FCHO2: variants seen among roughly 807,000 people sequenced by gnomAD.
FCHO2 encodes the protein FCH and mu domain containing endocytic adaptor 2, also known as F-BAR domain only protein 2.
Under a neutral mutation model 114.1 loss-of-function variants are expected in FCHO2, and 43 were observed. The ratio of observed to expected loss-of-function variants is 0.38; its 90% confidence interval spans 0.30 to 0.49. The LOEUF is 0.49. Ranked by LOEUF, FCHO2 falls within the 20% of genes least tolerant of loss-of-function variation. FCHO2 has a pLI of 0.97. For synonymous variants in FCHO2, 293 were observed against 315.2 expected, an observed-to-expected ratio of 0.93 and a Z score of 0.75; for missense variants, 807 against 950.4, an observed-to-expected ratio of 0.85 and a Z score of 1.98.
At chr5:73,008,388 AG>A (rs1561443476) in intron 6 of FCHO2, among the ~76,000 whole-genome samples, 1 of 152,110 alleles carries the variant, frequency 6.6e-6, no homozygotes, top group Non-Finnish European at 1.5e-5. Flanking sequence ...AATGCATTGG[AG>A]ATGGCAGGGA....
rs966515966 is a variant in FCHO2, at chr5:72,956,054, G to A, written c.-43G>A. ...GGGGGCCGGGCCGTGTTTACACAGC[G>A]GCGGGCGGGCGCGGACGCGGAACCC... On this transcript the variant is annotated 5_prime_UTR_variant, in exon 1 of 26. Transcript: ENST00000430046. 2.6e-6 allele frequency: 4 copies of A among 1,537,748 alleles called. No homozygotes were observed. In the African/African-American group the frequency reaches 4.2e-5, roughly 16 times the overall value.
intron 10 of FCHO2, among the ~76,000 whole-genome samples, chr5:73,039,227 G>C (rs1756684151): frequency 6.6e-6 from 1 of 152,186 alleles, no homozygotes; most frequent in Admixed American, 6.5e-5. Context: ...TAGCCTGAAG[G>C]CTTTTGAGAT....
chr5:73,085,200 T>C (rs1257404958), intron 24 of FCHO2, among the ~76,000 whole-genome samples: 1 of 151,812 alleles, frequency 6.6e-6, no homozygotes, highest in Non-Finnish European at 1.5e-5. Flanking sequence ...AATACAAAAA[T>C]TAGCTGGATG....
chr5:73,024,857 G>A (rs1012538954), intron 8 of FCHO2, among the ~76,000 whole-genome samples: 3 of 152,130 alleles, frequency 2.0e-5, no homozygotes, highest in African/African-American at 7.2e-5. Flanking sequence ...AATAAATATT[G>A]TTTTCAAAAA....
chr5:73,063,726 G>GC, intron 17 of FCHO2, 115 bp from the exon 18 acceptor site: 1 of 822,614 alleles, frequency 1.2e-6, no homozygotes, highest in Non-Finnish European at 2.0e-6. Context: ...TAAAAAAAGA[G>GC]CCTCCTGAAA....
intron 2 of FCHO2, among the ~76,000 whole-genome samples, chr5:72,980,996 C>G (rs980985282): frequency 2.6e-5 from 4 of 151,888 alleles, no homozygotes; most frequent in African/African-American, 9.7e-5. Context: ...ATGATGCTAG[C>G]TGGTTATTTT....
intron 24 of FCHO2, among the ~76,000 whole-genome samples, chr5:73,085,828 G>T (rs941790292): frequency 6.8e-6 from 1 of 146,778 alleles, no homozygotes; most frequent in South Asian, 2.2e-4. Context: ...AAATAAATAA[G>T]AATGCTGTAA....
At chr5:72,965,139 A>G (rs1482362011) in intron 1 of FCHO2, among the ~76,000 whole-genome samples, 1 of 152,106 alleles carries the variant, frequency 6.6e-6, no homozygotes, top group Non-Finnish European at 1.5e-5. Context: ...TACAAATAAG[A>G]GTATTGATGA....
rs1003777363 is a variant in FCHO2, at chr5:73,065,430, A to G, written c.1449+1486A>G. The stretch of plus-strand genomic sequence containing the variant: ...CCACTGTTAACATTTTTTGGAATGC[A>G]TAAGTGTTTATCCAGAGGCAGTAAA... On this transcript the variant is annotated intron_variant, in intron 18 of 25. Coordinates refer to ENST00000430046, the MANE Select transcript of FCHO2 (RefSeq NM_138782.3). 2.0e-5 allele frequency among the ~76,000 whole-genome samples: 3 copies of G among 152,128 alleles called. No individual in the cohort carries two copies. In the South Asian group the frequency reaches 6.2e-4, roughly 31 times the overall value.
At chr5:73,087,555 A>G in intron 24 of FCHO2, 34 bp from the exon 25 acceptor site, 1 of 1,606,150 alleles carries the variant, frequency 6.2e-7, no homozygotes, top group Non-Finnish European at 8.5e-7. Flanking sequence ...AATGTATTTT[A>G]CCCTGTGTAA....
chr5:72,970,472 T>C (rs912264193), intron 2 of FCHO2, among the ~76,000 whole-genome samples: 1 of 151,834 alleles, frequency 6.6e-6, no homozygotes, highest in African/African-American at 2.4e-5. Context: ...GCCTACTTAT[T>C]CTTTTTTTTT....
intron 6 of FCHO2, among the ~76,000 whole-genome samples, chr5:73,014,009 G>T (rs1755162760): frequency 6.6e-6 from 1 of 151,928 alleles, no homozygotes; most frequent in Middle Eastern, 3.2e-3. Context: ...TATATTTATT[G>T]TGAAGGCAAG....
At chr5:72,967,076 A>G (rs927137182) in intron 1 of FCHO2, among the ~76,000 whole-genome samples, 2 of 152,222 alleles carry the variant, frequency 1.3e-5, no homozygotes, top group African/African-American at 4.8e-5. Flanking sequence ...GTTTGAGGCC[A>G]GGAGTTCGAG....
At chr5:73,029,802 C>T (rs376356133) in intron 8 of FCHO2, among the ~76,000 whole-genome samples, 8 of 151,966 alleles carry the variant, frequency 5.3e-5, no homozygotes, top group African/African-American at 1.9e-4. Context: ...AATAACTTAG[C>T]GAGAACACAC....
intron 8 of FCHO2, among the ~76,000 whole-genome samples, chr5:73,029,963 A>G (rs374088680): frequency 1.3e-5 from 2 of 152,090 alleles, no homozygotes; most frequent in East Asian, 1.9e-4. Flanking sequence ...AGGTACATAC[A>G]AGAATTATTT....
chr5:72,973,379 A>C (rs988652298), intron 2 of FCHO2, among the ~76,000 whole-genome samples: 7 of 152,066 alleles, frequency 4.6e-5, no homozygotes, highest in African/African-American at 9.7e-5. Flanking sequence ...ACAATTTCAG[A>C]TCCTGTTATT....
At chr5:73,027,018 G>GTTTTTT (rs1369730233) in intron 8 of FCHO2, among the ~76,000 whole-genome samples, 3 of 107,122 alleles carry the variant, frequency 2.8e-5, no homozygotes, top group Admixed American at 9.0e-5. Flanking sequence ...TTGTTTGTTT[G>GTTTTTT]TTTTTTTTTT....
At chr5:73,070,428 A>G (rs1277088162) in intron 19 of FCHO2, among the ~76,000 whole-genome samples, 1 of 152,070 alleles carries the variant, frequency 6.6e-6, no homozygotes, top group Admixed American at 6.6e-5. Context: ...CTTTGGTTTA[A>G]TGAATACTTC....
At chr5:72,980,921 T>C (rs1242402735) in intron 2 of FCHO2, among the ~76,000 whole-genome samples, 3 of 152,218 alleles carry the variant, frequency 2.0e-5, no homozygotes, top group Non-Finnish European at 2.9e-5. Flanking sequence ...TGTCTTTTAA[T>C]TGGGGCATTT....
Sources: allele counts gnomAD v4.1 joint callset (sites outside exome capture counted in the v4.1 genomes callset), GRCh38; gene constraint gnomAD v4.1.1; transcripts MANE v1.5; gene names NCBI Gene and HGNC (gene_info 2026-07-23, HGNC 2026-07-21).